The following VPS13B variants were observed in gnomAD, a reference collection of about 807,000 sequenced individuals.
VPS13B encodes vacuolar protein sorting 13 homolog B.
Under a neutral mutation model 426.4 loss-of-function variants are expected in VPS13B, and 285 were observed. That is an observed-to-expected ratio of 0.67 (90% CI 0.61 to 0.74). The LOEUF (loss-of-function observed/expected upper bound fraction) is 0.74, where lower values mean the gene tolerates loss of function less well. Among genes scored for constraint, VPS13B ranks in the 30% least tolerant of loss-of-function variants. VPS13B has a pLI of 0.00. For synonymous variants in VPS13B, 1,676 were observed against 1,676.4 expected, an observed-to-expected ratio of 1.00 and a Z score of 0.01; for missense variants, 4,537 against 4,782.6, an observed-to-expected ratio of 0.95 and a Z score of 1.51.
At chr8:99,395,979 A>C (rs1814707295) in intron 21 of VPS13B, among the ~76,000 whole-genome samples, 1 of 152,202 alleles carries the variant, frequency 6.6e-6, no homozygotes, top group Non-Finnish European at 1.5e-5. Context: ...TTAGATGTTG[A>C]GTAGTAGATA....
intron 3 of VPS13B, among the ~76,000 whole-genome samples, chr8:99,060,625 A>AG (rs397781117): frequency 4.0e-5 from 6 of 151,614 alleles, no homozygotes; most frequent in African/African-American, 1.5e-4. Flanking sequence ...AAAAAAAAAA[A>AG]TTGATTTAAA....
chr8:99,352,164 G>A (rs1369831200), intron 19 of VPS13B, among the ~76,000 whole-genome samples: 1 of 152,160 alleles, frequency 6.6e-6, no homozygotes, highest in Non-Finnish European at 1.5e-5. Context: ...GGAAGCTACC[G>A]AAATGGGTCC....
chr8:99,351,851 C>CT (rs1368186621), intron 19 of VPS13B, among the ~76,000 whole-genome samples: 2 of 151,976 alleles, frequency 1.3e-5, no homozygotes, highest in Non-Finnish European at 2.9e-5. Flanking sequence ...AGATGTTTTG[C>CT]TGTTGTCTGT....
chr8:99,471,894 A>G (rs908516908), intron 24 of VPS13B, among the ~76,000 whole-genome samples: 3 of 152,184 alleles, frequency 2.0e-5, no homozygotes, highest in African/African-American at 7.2e-5. Flanking sequence ...ACTCCAAGTA[A>G]AAGGCAAAGA....
At chr8:99,155,068 T>C (rs1207759712) in intron 14 of VPS13B, among the ~76,000 whole-genome samples, 1 of 151,536 alleles carries the variant, frequency 6.6e-6, no homozygotes, top group African/African-American at 2.4e-5. Flanking sequence ...GAGACCTCAA[T>C]CCATTAAAAA....
At chr8:99,435,606 C>CA (rs1198936781) in intron 22 of VPS13B, among the ~76,000 whole-genome samples, 1 of 151,984 alleles carries the variant, frequency 6.6e-6, no homozygotes, top group East Asian at 1.9e-4. Context: ...CTGAAATAAC[C>CA]AAAAAATTAT....
intron 36 of VPS13B, among the ~76,000 whole-genome samples, chr8:99,709,027 T>C (rs902336172): frequency 1.3e-5 from 2 of 152,066 alleles, no homozygotes; most frequent in Non-Finnish European, 2.9e-5. Context: ...ACATAATTGG[T>C]TGAAGGAATG....
chr8:99,813,489 A>G (rs1813841418), intron 44 of VPS13B, among the ~76,000 whole-genome samples: 1 of 152,252 alleles, frequency 6.6e-6, no homozygotes, highest in Non-Finnish European at 1.5e-5. Flanking sequence ...GTTTATTTCA[A>G]GTTAGGCAAT....
At chr8:99,126,440 G>C (rs566873801) in intron 8 of VPS13B, among the ~76,000 whole-genome samples, 59 of 152,228 alleles carry the variant, frequency 3.9e-4, no homozygotes, top group Non-Finnish European at 6.6e-4. Flanking sequence ...TATTTTTCTG[G>C]TCATATTCTG....
chr8:99,413,191 G>GTT (rs200124965), intron 21 of VPS13B, among the ~76,000 whole-genome samples: 19 of 150,868 alleles, frequency 1.3e-4, no homozygotes, highest in African/African-American at 3.6e-4. Context: ...AGGGTCCTGG[G>GTT]TTTTTTTTTG....
At chr8:99,045,606 C>G (rs1255813701) in intron 3 of VPS13B, among the ~76,000 whole-genome samples, 1 of 152,150 alleles carries the variant, frequency 6.6e-6, no homozygotes, top group Non-Finnish European at 1.5e-5. Context: ...GGGTCTTGGT[C>G]ATAAAATCCT....
chr8:99,691,621 G>A (rs1242573441), intron 35 of VPS13B, among the ~76,000 whole-genome samples: 1 of 151,134 alleles, frequency 6.6e-6, no homozygotes, highest in Non-Finnish European at 1.5e-5. Flanking sequence ...AGACTAGGAA[G>A]AAACTGCATC....
chr8:99,293,726 G>C (rs1819872517), intron 19 of VPS13B, among the ~76,000 whole-genome samples: 1 of 151,984 alleles, frequency 6.6e-6, no homozygotes. Context: ...TCAAAAAGCG[G>C]GTGGACATGA....
intron 52 of VPS13B, among the ~76,000 whole-genome samples, chr8:99,834,533 A>AT (rs1259285007): frequency 1.5e-5 from 2 of 137,402 alleles, no homozygotes; most frequent in East Asian, 2.4e-4. Flanking sequence ...GTCAGCTCTT[A>AT]TTTTTATTTT....
At chr8:99,604,257 G>C (rs1309018049) in intron 33 of VPS13B, among the ~76,000 whole-genome samples, 1 of 152,204 alleles carries the variant, frequency 6.6e-6, no homozygotes, top group East Asian at 1.9e-4. Flanking sequence ...ACTGTACCCA[G>C]TTTCCCTTCT....
chr8:99,261,597 A>G (rs1404659108), intron 17 of VPS13B, among the ~76,000 whole-genome samples: 1 of 152,088 alleles, frequency 6.6e-6, no homozygotes, highest in African/African-American at 2.4e-5. Context: ...TGAATACTGA[A>G]TGGTATGATA....
intron 19 of VPS13B, among the ~76,000 whole-genome samples, chr8:99,310,945 A>T (rs1820932637): frequency 6.6e-6 from 1 of 152,108 alleles, no homozygotes; most frequent in South Asian, 2.1e-4. Flanking sequence ...TAGATTTTCT[A>T]ATTTATTTGC....
chr8:99,295,769 C>T (rs1250672966), intron 19 of VPS13B, among the ~76,000 whole-genome samples: 2 of 152,160 alleles, frequency 1.3e-5, no homozygotes, highest in Non-Finnish European at 2.9e-5. Context: ...TGGCTCATCC[C>T]TATAATCCCA....
At chr8:99,227,936 T>C (rs1308478114) in intron 17 of VPS13B, among the ~76,000 whole-genome samples, 4 of 152,196 alleles carry the variant, frequency 2.6e-5, no homozygotes, top group African/African-American at 9.7e-5. Context: ...TGGGGGCTTA[T>C]TTTTATTTTT....
Sources: allele counts gnomAD v4.1 joint callset (sites outside exome capture counted in the v4.1 genomes callset), GRCh38; gene constraint gnomAD v4.1.1; transcripts MANE v1.5; gene names NCBI Gene and HGNC (gene_info 2026-07-23, HGNC 2026-07-21).